The following KIF6 variants were observed in gnomAD, a reference collection of about 807,000 sequenced individuals.
The protein encoded by KIF6 is kinesin family member 6.
A neutral mutation model predicts 112.7 loss-of-function variants in KIF6; 106 were observed. That is an observed-to-expected ratio of 0.94 (90% CI 0.80 to 1.11). KIF6 has a LOEUF of 1.11. Ranked by LOEUF, KIF6 falls within the 50% of genes least tolerant of loss-of-function variation. KIF6 has a pLI of 0.00. For missense variants in KIF6, 929 were observed against 964.0 expected, an observed-to-expected ratio of 0.96 and a Z score of 0.48; for synonymous variants, 339 against 339.9, an observed-to-expected ratio of 1.00 and a Z score of 0.03.
chr6:39,623,390 G>A (rs77519441), intron 5 of KIF6, among the ~76,000 whole-genome samples: 103 of 152,150 alleles, frequency 6.8e-4, no homozygotes, highest in African/African-American at 2.5e-3. Flanking sequence ...ACCCCTTTAA[G>A]GTATTCCTAT....
Position 39,540,147 on chromosome 6 carries a change from G to T in KIF6, c.1501C>A (p.Arg501Ser). Reference sequence around the variant, plus strand: ...GGGCTCTGGGACTGTCTGAATTCACGTCTATCCATGCCAGCCAAGTGGAGA... The same window carrying T: ...GGGCTCTGGGACTGTCTGAATTCACTTCTATCCATGCCAGCCAAGTGGAGA... ...EALHLAGMDR[R>S]EFRQSQSPPF... Residue 501 changes from arginine to serine, a missense_variant, in exon 13 of 23, where the codon CGT becomes AGT. Physicochemically the swap from Arg to Ser is moderately radical, Grantham distance 110. Around this residue, in one of 2 missense-constraint regions of KIF6, gnomAD observed 688 missense variants for 662.7 expected, o/e 1.04. Transcript: ENST00000287152. 1.2e-6 allele frequency: 2 copies of T among 1,614,088 alleles called. No homozygotes were observed. The highest frequency in any genetic ancestry group is 1.7e-6 in the Non-Finnish European group (2 of 1,180,000).
Position 39,596,133 on chromosome 6 carries a change from C to G in KIF6, c.767G>C (p.Arg256Pro). 6.2e-7 allele frequency: 1 copy of G among 1,614,012 alleles called. No individual in the cohort carries two copies. The highest frequency in any genetic ancestry group is 1.1e-5 in the South Asian group (1 of 91,082). ...LHLVDLAGSE[R>P]VAKTGVGGHL... Reference sequence around the variant, plus strand: ...GCCCCCTACTCCAGTCTTTGCAACTCGCTCTGAACCAGCCAGGTCAACCAG... The same window carrying G: ...GCCCCCTACTCCAGTCTTTGCAACTGGCTCTGAACCAGCCAGGTCAACCAG... The change falls in exon 7 of 23, where the codon CGA becomes CCA. Residue 256 changes from arginine (R) to proline (P), a missense_variant. Around this residue, in one of 2 missense-constraint regions of KIF6, gnomAD observed 688 missense variants for 662.7 expected, o/e 1.04. Coordinates refer to ENST00000287152, the MANE Select transcript of KIF6 (RefSeq NM_145027.6).
chr6:39,677,507 TTTTATTTATTTA>T (rs70984138), intron 3 of KIF6, among the ~76,000 whole-genome samples: 10,201 of 146,134 alleles, frequency 0.07, 421 homozygotes, highest in Middle Eastern at 0.12. Context: ...CTTCAGACAA[TTTTATTTATTTA>T]TTTATTTATT....
At chr6:39,583,170 C>A in intron 9 of KIF6, 1 of 252,760 alleles carries the variant, frequency 4.0e-6, no homozygotes, top group Non-Finnish European at 8.1e-6. Flanking sequence ...AAAAACAAAA[C>A]CCTCCAATGT....
At position 39,349,631 on chromosome 6, in the gene KIF6, C is replaced by CTTTTTTTTTTTTTTTTTTTTTT. The variant is rs58810898; in HGVS notation, c.2181-3127_2181-3106dup. Among the ~76,000 whole-genome samples the CTTTTTTTTTTTTTTTTTTTTTT allele has an allele frequency of 1.5e-4, 10 of 64,560 alleles. 1 individual carries two copies. The highest frequency in any genetic ancestry group is 1.9e-4 in the African/African-American group (3 of 15,498). 42.4% of individuals were successfully genotyped at this position (64,560 alleles called of 152,430 possible). On this transcript the variant is annotated intron_variant, in intron 19 of 22. Coordinates refer to ENST00000287152, the MANE Select transcript of KIF6 (RefSeq NM_145027.6). ...GAAGGTCTAGGTTTAATTTGTGGCT[C>CTTTTTTTTTTTTTTTTTTTTTT]TTTTTTTTTTTTTTTTTTTTTTTTT...
intron 13 of KIF6, among the ~76,000 whole-genome samples, chr6:39,446,078 G>A (rs943015354): frequency 2.6e-5 from 4 of 152,208 alleles, no homozygotes; most frequent in African/African-American, 9.7e-5. Flanking sequence ...CCTGTTCAGT[G>A]GTGGGGGAAA....
intron 15 of KIF6, among the ~76,000 whole-genome samples, chr6:39,419,716 G>A (rs1770210863): frequency 6.6e-6 from 1 of 152,176 alleles, no homozygotes; most frequent in Non-Finnish European, 1.5e-5. Flanking sequence ...TGGAGCTCAG[G>A]TCTGCCTGAG....
At chr6:39,466,699 A>T (rs1316544784) in intron 13 of KIF6, among the ~76,000 whole-genome samples, 2 of 152,032 alleles carry the variant, frequency 1.3e-5, no homozygotes. Context: ...TGGGAAAAGC[A>T]GGCCACCCAC....
rs1471776645 is a variant in KIF6, at chr6:39,343,470, G to A, written c.2428+239C>T. The A allele has an allele frequency of 2.0e-6, 3 of 1,472,196 alleles. No individual in the cohort carries two copies. The African/African-American group carries it at 4.2e-5, about 21-fold the overall frequency. The allele number at this position is 1,472,196 out of a possible 1,614,324, so 91.2% of individuals were successfully genotyped here. On this transcript the variant is annotated intron_variant, in intron 22 of 22. Transcript: ENST00000287152. The surrounding 1 kb of genome is among the most constrained non-coding windows in gnomAD (Gnocchi z 4.1). ...GACAGAGAGCAAGCTCTGCCAAGAGGGACAGGAGCACCTGGGCCGCCCACC... is the reference window on the plus strand; with the variant it reads ...GACAGAGAGCAAGCTCTGCCAAGAGAGACAGGAGCACCTGGGCCGCCCACC...
rs548846237 is a variant in KIF6, at chr6:39,613,398, A to G, written c.510-80T>C. 15 of 1,151,862 alleles carry G rather than the reference A, an allele frequency of 1.3e-5. 1 individual carries two copies. In the South Asian group the frequency reaches 2.6e-4, roughly 20 times the overall value. The allele number at this position is 1,151,862 out of a possible 1,614,324, so 71.4% of individuals were successfully genotyped here. A position where few individuals can be genotyped will look rare whatever the true frequency, so the allele number is the denominator to read the frequency against. ...AAGTCTTCCCTACAGGCTTTTAAAA[A>G]GCTGTATAGTATGACGTCTTGAACT... On this transcript the variant is annotated intron_variant, in intron 5 of 22. Transcript: ENST00000287152.
chr6:39,473,312 A>C (rs1428172695), intron 13 of KIF6, among the ~76,000 whole-genome samples: 1 of 152,208 alleles, frequency 6.6e-6, no homozygotes, highest in East Asian at 1.9e-4. Context: ...TAAAAAAAAA[A>C]TAAGGTTTTG....
At chr6:39,717,326 C>T (rs1222410290) in intron 2 of KIF6, among the ~76,000 whole-genome samples, 6 of 152,106 alleles carry the variant, frequency 3.9e-5, no homozygotes, top group Admixed American at 3.9e-4. Context: ...TACTCTACTC[C>T]AGCCACATAG....
intron 13 of KIF6, among the ~76,000 whole-genome samples, chr6:39,519,976 C>G (rs1008633848): frequency 6.6e-6 from 1 of 152,126 alleles, no homozygotes; most frequent in African/African-American, 2.4e-5. Context: ...GACCCAAGAT[C>G]GTGCCACTGC....
At chr6:39,614,578 G>C (rs1457822127) in intron 5 of KIF6, among the ~76,000 whole-genome samples, 3 of 152,084 alleles carry the variant, frequency 2.0e-5, no homozygotes, top group African/African-American at 7.2e-5. Flanking sequence ...AGCTCTACCA[G>C]CACATCTGTG....
intron 3 of KIF6, among the ~76,000 whole-genome samples, chr6:39,688,398 T>A (rs563768876): frequency 2.6e-5 from 4 of 152,266 alleles, no homozygotes; most frequent in East Asian, 3.9e-4. Flanking sequence ...TGACTACACA[T>A]CTTACTTTTG....
chr6:39,431,611 T>A (rs1310863280), intron 13 of KIF6, among the ~76,000 whole-genome samples: 1 of 152,182 alleles, frequency 6.6e-6, no homozygotes, highest in Non-Finnish European at 1.5e-5. Flanking sequence ...AAAATTCTGC[T>A]CTTAGTCTCT....
chr6:39,611,984 G>A (rs775843116), intron 6 of KIF6, among the ~76,000 whole-genome samples: 1 of 152,094 alleles, frequency 6.6e-6, no homozygotes, highest in African/African-American at 2.4e-5. Context: ...AAATTTAAGC[G>A]ACCTTAAATC....
At chr6:39,665,817 C>A (rs987567204) in intron 3 of KIF6, among the ~76,000 whole-genome samples, 4 of 152,026 alleles carry the variant, frequency 2.6e-5, no homozygotes, top group Non-Finnish European at 5.9e-5. Flanking sequence ...ATTTGGCATG[C>A]ACAAACATGA....
At chr6:39,597,823 G>A (rs1252094094) in intron 6 of KIF6, among the ~76,000 whole-genome samples, 2 of 152,134 alleles carry the variant, frequency 1.3e-5, no homozygotes, top group East Asian at 1.9e-4. Flanking sequence ...TAAAATTAAA[G>A]CACTAGAAGA....
Sources: gnomAD v4.1 joint callset for allele counts (sites outside exome capture counted in the v4.1 genomes callset) on GRCh38, gnomAD v4.1.1 for gene constraint, gnomAD v4.1.1 regional missense constraint, Gnocchi (gnomAD v3.1) non-coding constraint, MANE v1.5 for transcripts, NCBI Gene and HGNC (gene_info 2026-07-23, HGNC 2026-07-21) for gene names.